TGDS: variants seen among roughly 807,000 people sequenced by gnomAD.
TGDS encodes TDP-glucose 4,6-dehydratase.
Under a neutral mutation model 52.3 loss-of-function variants are expected in TGDS, and 47 were observed. That is an observed-to-expected ratio of 0.90 (90% CI 0.71 to 1.15). The LOEUF (loss-of-function observed/expected upper bound fraction) is 1.15. Among genes scored for constraint, TGDS ranks in the 50% most tolerant of loss-of-function variants. The pLI, the probability that TGDS is intolerant of heterozygous loss-of-function variation, is 0.00. For missense variants in TGDS, 375 were observed against 418.4 expected (o/e 0.90, Z 0.90); for synonymous variants, 115 against 136.9 (o/e 0.84, Z 1.12).
Position 94,583,094 on chromosome 13 carries a change from C to G in TGDS, c.456G>C (p.Lys152Asn). 1 of 1,612,290 alleles carries G rather than the reference C, an allele frequency of 6.2e-7. No individual in the cohort carries two copies. The highest frequency in any genetic ancestry group is 1.7e-5 in the Admixed American group (1 of 59,730). Residue 152 changes from lysine to asparagine, a missense_variant and splice_region_variant, in exon 5 of 12, where the codon AAG becomes AAC. Physicochemically the swap from Lys to Asn is moderately conservative, Grantham distance 94. Coordinates refer to ENST00000261296, the MANE Select transcript of TGDS (RefSeq NM_014305.4). ...TAAAATATACATTTTCTAAGCTCAC[C>G]TTATCAAGACTGCCACCATATACTT... ...TDEVYGGSLDKEFDESSPKQP... is the reference protein window; with the variant it reads ...TDEVYGGSLDNEFDESSPKQP...
At chr13:94,589,416 G>A (rs750113579) in intron 4 of TGDS, among the ~76,000 whole-genome samples, 1 of 151,360 alleles carries the variant, frequency 6.6e-6, no homozygotes, top group Non-Finnish European at 1.5e-5. Context: ...CCGGGTTCAC[G>A]CCATTCTCCT....
rs764946450 is a variant in TGDS at position 94,596,006 on chromosome 13, G to A, written c.86+45C>T. The A allele has an allele frequency of 4.8e-5, 77 of 1,609,002 alleles. No individual in the cohort carries two copies. The Admixed American group carries it at 1.3e-3, about 26-fold the overall frequency. ...CAAGCAGAGCTGCGGGAAAAGGTAG[G>A]GGTTTCTGGGGAGCCACTGCTTGGC... On this transcript the variant is annotated intron_variant, in intron 1 of 11. Transcript: ENST00000261296.
intron 3 of TGDS, 95 bp from the exon 4 acceptor site, chr13:94,591,038 C>A: frequency 1.3e-6 from 1 of 794,582 alleles, no homozygotes; most frequent in East Asian, 2.9e-5. Flanking sequence ...CTCCCACCTC[C>A]CTGTTTAATA....
At chr13:94,585,072 T>C (rs961258580) in intron 4 of TGDS, among the ~76,000 whole-genome samples, 72 of 151,546 alleles carry the variant, frequency 4.8e-4, no homozygotes, top group African/African-American at 1.6e-3. Context: ...CTTTTTTTTT[T>C]TCTCTCTCTC....
At chr13:94,582,452 A>G (rs1197747660) in intron 5 of TGDS, among the ~76,000 whole-genome samples, 2 of 152,216 alleles carry the variant, frequency 1.3e-5, no homozygotes, top group Non-Finnish European at 2.9e-5. Flanking sequence ...AAATAAATGA[A>G]TAAGTCTCTA....
intron 1 of TGDS, 28 bp from the exon 2 acceptor site, chr13:94,593,935 T>G: frequency 7.0e-7 from 1 of 1,429,786 alleles, no homozygotes; most frequent in Non-Finnish European, 9.6e-7. Context: ...ATCTTGTTAG[T>G]GAAAAACTTT....
intron 11 of TGDS, 56 bp from the exon 12 acceptor site, chr13:94,574,908 A>C: frequency 3.5e-6 from 4 of 1,146,606 alleles, no homozygotes; most frequent in Non-Finnish European, 3.8e-6. Context: ...AAAACTAAAC[A>C]TCAGTTAACC....
chr13:94,575,680 AT>A (rs199803945), intron 11 of TGDS, among the ~76,000 whole-genome samples: 1,620 of 152,122 alleles, frequency 0.011, 36 homozygotes, highest in African/African-American at 0.037. Flanking sequence ...GTTTTAAATT[AT>A]TTTTTGTTTC....
intron 3 of TGDS, among the ~76,000 whole-genome samples, chr13:94,591,561 C>A (rs1889204722): frequency 6.6e-6 from 1 of 152,184 alleles, no homozygotes; most frequent in South Asian, 2.1e-4. Flanking sequence ...CCACTGCACT[C>A]CAGCCTGGGT....
At chr13:94,583,486 G>C (rs1324306960) in intron 4 of TGDS, among the ~76,000 whole-genome samples, 1 of 151,856 alleles carries the variant, frequency 6.6e-6, no homozygotes, top group African/African-American at 2.4e-5. Context: ...TATTCTATAA[G>C]GAAGAAAATT....
intron 4 of TGDS, 78 bp downstream of exon 4, chr13:94,590,775 C>T: frequency 8.6e-7 from 1 of 1,163,200 alleles, no homozygotes; most frequent in Admixed American, 2.8e-5. Context: ...GATATATCCT[C>T]TTTCAAATAT....
chr13:94,587,880 C>T (rs1191426973), intron 4 of TGDS, among the ~76,000 whole-genome samples: 2 of 151,296 alleles, frequency 1.3e-5, no homozygotes, highest in African/African-American at 4.9e-5. Flanking sequence ...GCCTGTAGTC[C>T]CAGCTACTCG....
At chr13:94,594,010 C>G in intron 1 of TGDS, 103 bp from the exon 2 acceptor site, 1 of 689,352 alleles carries the variant, frequency 1.5e-6, no homozygotes, top group Admixed American at 2.9e-5. Flanking sequence ...TCAAAGATAA[C>G]TTTAATTTTT....
chr13:94,590,765 G>A, intron 4 of TGDS, 88 bp downstream of exon 4: 4 of 1,055,072 alleles, frequency 3.8e-6, no homozygotes, highest in Non-Finnish European at 5.4e-6. Flanking sequence ...AGTACAGTAT[G>A]ATATATCCTC....
Position 94,595,896 on chromosome 13 carries a change from G to A in TGDS, c.86+155C>T, listed in dbSNP as rs1303685085. 7 of 784,652 alleles carry A rather than the reference G, an allele frequency of 8.9e-6. No homozygotes were observed. The South Asian group carries it at 9.5e-5, about 11-fold the overall frequency. The allele number at this position is 784,652 out of a possible 1,614,324, so 48.6% of individuals were successfully genotyped here. A position where few individuals can be genotyped will look rare whatever the true frequency, so the allele number is the denominator to read the frequency against. ...GAACCACTTCTTTGCAGGCCAGAGAGAGAAAAGCTGGTCCAGGTCGTGCAT... is the reference window on the plus strand; with the variant it reads ...GAACCACTTCTTTGCAGGCCAGAGAAAGAAAAGCTGGTCCAGGTCGTGCAT... On this transcript the variant is annotated intron_variant, in intron 1 of 11. Coordinates refer to ENST00000261296, the MANE Select transcript of TGDS (RefSeq NM_014305.4).
chr13:94,578,703 A>G, intron 8 of TGDS, 27 bp downstream of exon 8: 1 of 1,505,392 alleles, frequency 6.6e-7, no homozygotes, highest in Non-Finnish European at 9.2e-7. Flanking sequence ...AGAAAAGCAT[A>G]TGGGTAAAAA....
intron 4 of TGDS, among the ~76,000 whole-genome samples, chr13:94,584,834 A>C (rs1043208516): frequency 5.9e-5 from 9 of 152,256 alleles, no homozygotes; most frequent in Non-Finnish European, 1.2e-4. Flanking sequence ...ATGGTGAGTC[A>C]TTTTGAACAT....
intron 4 of TGDS, among the ~76,000 whole-genome samples, chr13:94,589,932 T>A (rs1566963818): frequency 6.6e-6 from 1 of 152,090 alleles, no homozygotes; most frequent in East Asian, 1.9e-4. Context: ...TAATGTATAC[T>A]TATGTATCAT....
intron 2 of TGDS, among the ~76,000 whole-genome samples, 166 bp downstream of exon 2, chr13:94,593,675 A>T (rs1052130044): frequency 2.2e-4 from 33 of 152,208 alleles, no homozygotes; most frequent in African/African-American, 8.0e-4. Context: ...AAAAACTTTT[A>T]TATAAGATTA....
Sources: allele counts gnomAD v4.1 joint callset (sites outside exome capture counted in the v4.1 genomes callset), GRCh38; gene constraint gnomAD v4.1.1; transcripts MANE v1.5; gene names NCBI Gene and HGNC (gene_info 2026-07-23, HGNC 2026-07-21).